CNGB3: variants seen among roughly 807,000 people sequenced by gnomAD.
CNGB3 encodes the protein cyclic nucleotide-gated channel beta-3.
In CNGB3, 86 loss-of-function variants were observed where a neutral mutation model predicts 92.8. That is an observed-to-expected ratio of 0.93 (90% CI 0.78 to 1.11). CNGB3 has a LOEUF of 1.11. Ranked by LOEUF, CNGB3 falls within the 50% of genes least tolerant of loss-of-function variation. CNGB3 has a pLI of 0.00. For missense variants in CNGB3, 1,026 were observed against 956.8 expected (o/e 1.07, Z -0.95); for synonymous variants, 333 against 332.7 (o/e 1.00, Z -0.01).
At chr8:86,739,620 GTTTT>G (rs78198409) in intron 2 of CNGB3, 31 bp downstream of exon 2, 79 of 1,488,570 alleles carry the variant, frequency 5.3e-5, no homozygotes, top group Admixed American at 2.2e-4. Context: ...TCACTTTTTA[GTTTT>G]TTTTTTTTTT....
chr8:86,621,132 A>G (rs912340454), intron 13 of CNGB3, among the ~76,000 whole-genome samples: 2 of 152,250 alleles, frequency 1.3e-5, no homozygotes, highest in Non-Finnish European at 2.9e-5. Flanking sequence ...ATATCTTCTC[A>G]AATAGGAGAT....
chr8:86,632,725 G>A (rs775590180), intron 11 of CNGB3, 27 bp downstream of exon 11: 149 of 1,609,494 alleles, frequency 9.3e-5, no homozygotes, highest in Non-Finnish European at 1.2e-4. Flanking sequence ...ACAGCACTGT[G>A]TATCCAGTGA....
intron 15 of CNGB3, among the ~76,000 whole-genome samples, chr8:86,592,909 T>C (rs1424164448): frequency 6.6e-6 from 1 of 152,204 alleles, no homozygotes; most frequent in African/African-American, 2.4e-5. Flanking sequence ...ACTTTATTCC[T>C]TGCAACTTTA....
chr8:86,704,470 T>A (rs928779273), intron 3 of CNGB3: 2 of 152,260 alleles, frequency 1.3e-5, no homozygotes, highest in African/African-American at 4.8e-5. Flanking sequence ...TGTATTTTCC[T>A]ATCCTGTTAA....
Position 86,668,160 on chromosome 8 carries a change from T to A in CNGB3, c.502A>T (p.Thr168Ser), listed in dbSNP as rs1478759539. 1.9e-6 allele frequency: 3 copies of A among 1,611,658 alleles called. No homozygotes were observed. The highest frequency in any genetic ancestry group is 2.5e-6 in the Non-Finnish European group (3 of 1,179,352). ...CTTTCTTTTACTGGTGGTACAGCCG[T>A]GGGCTTTGCTTCATAGGGAAAAAAA... ...PEASPQTAKP[T>S]AVPPVKESDD... The change falls in exon 5 of 18, where the codon ACG (threonine) becomes TCG (serine). Residue 168 changes from threonine (T) to serine (S), a missense_variant. Thr to Ser is a moderately conservative substitution (Grantham distance 58). Coordinates refer to ENST00000320005, the MANE Select transcript of CNGB3 (RefSeq NM_019098.5).
At chr8:86,710,903 A>G (rs1399138804) in intron 3 of CNGB3, among the ~76,000 whole-genome samples, 1 of 152,180 alleles carries the variant, frequency 6.6e-6, no homozygotes, top group Non-Finnish European at 1.5e-5. Context: ...CCTGTTGACC[A>G]CATGCCAGAT....
In CNGB3 at chr8:86,723,820, A is replaced by G. The variant is rs186716393; in HGVS notation, c.338+2711T>C. On this transcript the variant is annotated intron_variant, in intron 3 of 17. Coordinates refer to ENST00000320005, the MANE Select transcript of CNGB3 (RefSeq NM_019098.5). ...TTAATACTTCTCAAACCACTTTGCT[A>G]TCTATGTTGTAGCCAGGAAGACATT... Among the ~76,000 whole-genome samples, 440 of 152,296 alleles carry G rather than the reference A, an allele frequency of 2.9e-3. 3 individuals carry two copies. Among genetic ancestry groups the G allele is most frequent in the African/African-American group, 0.01 (425 of 41,560 alleles).
At chr8:86,644,845 G>C (rs1176086712) in intron 8 of CNGB3, among the ~76,000 whole-genome samples, 159 bp from the exon 9 acceptor site, 1 of 150,904 alleles carries the variant, frequency 6.6e-6, no homozygotes, top group African/African-American at 2.4e-5. Context: ...CCTCTGGACA[G>C]TACATTTTAT....
intron 10 of CNGB3, among the ~76,000 whole-genome samples, chr8:86,635,977 A>G (rs1425491644): frequency 2.7e-5 from 4 of 150,864 alleles, no homozygotes; most frequent in Non-Finnish European, 5.9e-5. Flanking sequence ...CAAACATAAC[A>G]TGCAATTTCC....
At chr8:86,598,022 A>T (rs1822211081) in intron 15 of CNGB3, among the ~76,000 whole-genome samples, 1 of 152,058 alleles carries the variant, frequency 6.6e-6, no homozygotes, top group Admixed American at 6.5e-5. Context: ...AAAATAAAAT[A>T]AAATAAAGAG....
In CNGB3 at chr8:86,711,285, G is replaced by A. The variant is rs534359073; in HGVS notation, c.338+15246C>T. 2.0e-5 allele frequency among the ~76,000 whole-genome samples: 3 copies of A among 152,126 alleles called. No individual in the cohort carries two copies. In the South Asian group the frequency reaches 6.2e-4, roughly 32 times the overall value. On this transcript the variant is annotated intron_variant, in intron 3 of 17. Transcript: ENST00000320005. The stretch of plus-strand genomic sequence containing the variant: ...ATATCCCCAATGTGCTTTATTCATG[G>A]ATTTTTGCCTGCCTGCGTCATAGAA...
chr8:86,619,681 C>A (rs562703521), intron 13 of CNGB3, among the ~76,000 whole-genome samples: 11 of 148,622 alleles, frequency 7.4e-5, no homozygotes, highest in South Asian at 4.3e-4. Context: ...TCTAATGTGC[C>A]AAGTCTTAGT....
chr8:86,667,910 G>T, intron 5 of CNGB3, 109 bp downstream of exon 5: 1 of 1,199,950 alleles, frequency 8.3e-7, no homozygotes, highest in Non-Finnish European at 1.2e-6. Flanking sequence ...TTCCTAGTTA[G>T]ATTGAGAATA....
At chr8:86,635,624 T>C (rs986466806) in intron 10 of CNGB3, among the ~76,000 whole-genome samples, 3 of 151,642 alleles carry the variant, frequency 2.0e-5, no homozygotes, top group Middle Eastern at 3.4e-3. Flanking sequence ...TAGACATGCA[T>C]AACCAAAGGT....
chr8:86,645,065 A>G (rs1293699470), intron 8 of CNGB3, among the ~76,000 whole-genome samples: 2 of 151,344 alleles, frequency 1.3e-5, no homozygotes. Context: ...ATAATGCATT[A>G]AAGTTATAAA....
intron 6 of CNGB3, chr8:86,658,421 G>A: frequency 2.3e-6 from 1 of 425,688 alleles, no homozygotes; most frequent in Non-Finnish European, 4.4e-6. Context: ...TCTGCTGGCT[G>A]GTAGCTTCCA....
chr8:86,662,014 T>C (rs1477691338), intron 6 of CNGB3: 1 of 378,664 alleles, frequency 2.6e-6, no homozygotes, highest in East Asian at 4.4e-5. Flanking sequence ...AATGTGTAAA[T>C]ATTCAGGAGA....
At chr8:86,609,761 C>T (rs1410862170) in intron 14 of CNGB3, among the ~76,000 whole-genome samples, 3 of 152,190 alleles carry the variant, frequency 2.0e-5, no homozygotes, top group Non-Finnish European at 4.4e-5. Flanking sequence ...CACTTGCTTC[C>T]GTTCCTTGGA....
intron 3 of CNGB3, among the ~76,000 whole-genome samples, chr8:86,720,699 C>T (rs951728080): frequency 5.3e-5 from 8 of 151,954 alleles, no homozygotes; most frequent in Non-Finnish European, 7.4e-5. Context: ...CTTGCGCATG[C>T]ATGTTTATAG....
Sources: gnomAD v4.1 joint callset for allele counts (sites outside exome capture counted in the v4.1 genomes callset) on GRCh38, gnomAD v4.1.1 for gene constraint, MANE v1.5 for transcripts, NCBI Gene and HGNC (gene_info 2026-07-23, HGNC 2026-07-21) for gene names.